Variants in DIAPH2 observed in about 807,000 individuals in gnomAD.
DIAPH2 encodes diaphanous related formin 2.
In DIAPH2, 35 loss-of-function variants were observed where a neutral mutation model predicts 92.7. That is an observed-to-expected ratio of 0.38 (90% CI 0.29 to 0.50). The LOEUF (loss-of-function observed/expected upper bound fraction) is 0.50, where lower values mean the gene tolerates loss of function less well. Among genes scored for constraint, DIAPH2 ranks in the 20% least tolerant of loss-of-function variants. DIAPH2 has a pLI of 0.94. For synonymous variants in DIAPH2, 301 were observed against 280.4 expected, an observed-to-expected ratio of 1.07 and a Z score of -0.73; for missense variants, 701 against 819.5, an observed-to-expected ratio of 0.86 and a Z score of 1.77.
At chrX:97,059,939 G>C (rs2066585692) in intron 17 of DIAPH2, among the ~76,000 whole-genome samples, 1 of 112,201 alleles carries the variant, frequency 8.9e-6, no homozygotes, top group Non-Finnish European at 1.9e-5. Flanking sequence ...GATTGTCACA[G>C]CCAACTCTGG....
chrX:97,331,480 T>G (rs1799846691), intron 23 of DIAPH2, among the ~76,000 whole-genome samples: 1 of 111,681 alleles, frequency 9.0e-6, no homozygotes. Context: ...AGGGAAACCT[T>G]AAAAGAGAAA....
At chrX:97,265,185 C>A in intron 23 of DIAPH2, among the ~76,000 whole-genome samples, 1 of 111,544 alleles carries the variant, frequency 9.0e-6, no homozygotes, top group Middle Eastern at 4.7e-3. Flanking sequence ...ATATATACTC[C>A]TCTCTCACTA....
At chrX:97,139,815 TG>T (rs2067197975) in intron 21 of DIAPH2, among the ~76,000 whole-genome samples, 1 of 110,462 alleles carries the variant, frequency 9.1e-6, no homozygotes, top group African/African-American at 3.3e-5. Flanking sequence ...AAAACTGAAA[TG>T]TTTTTTAATA....
At chrX:96,897,051 A>T (rs959738691) in intron 5 of DIAPH2, among the ~76,000 whole-genome samples, 11 of 112,012 alleles carry the variant, frequency 9.8e-5, no homozygotes, top group Non-Finnish European at 1.7e-4. Flanking sequence ...TGGTCAAAGG[A>T]TACAAAATTT....
chrX:96,895,323 A>G (rs1172894724), intron 5 of DIAPH2, among the ~76,000 whole-genome samples: 1 of 111,567 alleles, frequency 9.0e-6, no homozygotes, highest in African/African-American at 3.3e-5. Context: ...TTTTTAAAAT[A>G]CGTGACTGGA....
intron 17 of DIAPH2, among the ~76,000 whole-genome samples, chrX:96,980,001 G>T (rs756344058): frequency 9.0e-6 from 1 of 110,819 alleles, no homozygotes; most frequent in African/African-American, 3.3e-5. Context: ...ACTCTGGTGC[G>T]GGCCCTGCAG....
chrX:97,042,165 A>G (rs2066452678), intron 17 of DIAPH2, among the ~76,000 whole-genome samples: 1 of 111,534 alleles, frequency 9.0e-6, no homozygotes, highest in Non-Finnish European at 1.9e-5. Flanking sequence ...ACTGCTTAGA[A>G]TTTGTTGTGA....
intron 3 of DIAPH2, among the ~76,000 whole-genome samples, chrX:96,743,544 A>G (rs1399887860): frequency 8.9e-6 from 1 of 111,937 alleles, no homozygotes. Context: ...GTCATATCTC[A>G]TTGGTGTCTT....
intron 22 of DIAPH2, among the ~76,000 whole-genome samples, chrX:97,209,491 G>A (rs1180395676): frequency 2.7e-5 from 3 of 111,322 alleles, no homozygotes; most frequent in Non-Finnish European, 5.7e-5. Context: ...GACTCTGAAT[G>A]AAAAATATTT....
intron 4 of DIAPH2, among the ~76,000 whole-genome samples, chrX:96,821,383 G>C (rs2064776799): frequency 9.0e-6 from 1 of 110,667 alleles, no homozygotes; most frequent in African/African-American, 3.3e-5. Context: ...CTGTACTTTG[G>C]ATTTCAGTCT....
At chrX:97,351,203 G>A (rs763830273) in intron 24 of DIAPH2, among the ~76,000 whole-genome samples, 5 of 112,223 alleles carry the variant, frequency 4.5e-5, no homozygotes, top group East Asian at 5.6e-4. Context: ...TATAAAAGAC[G>A]GAAAATAATT....
At chrX:97,464,297 TAAAAAAAAAA>T (rs753355896) in intron 26 of DIAPH2, among the ~76,000 whole-genome samples, 2 of 32,943 alleles carry the variant, frequency 6.1e-5, no homozygotes, top group East Asian at 1.3e-3. Flanking sequence ...CCATCTCTAC[TAAAAAAAAAA>T]AAAAAAAAAA....
rs754744883 is a variant in DIAPH2, at chrX:97,476,634, A to T, written c.3241+46889A>T. On this transcript the variant is annotated intron_variant, in intron 26 of 26. Transcript: ENST00000324765. ...CAAAAAAGCCTGAGCTGTAGAATTA[A>T]TTTTTTCAATTGAATGAGTAATACT... 1.5e-3 allele frequency among the ~76,000 whole-genome samples: 164 copies of T among 110,844 alleles called. 1 individual carries two copies. The highest frequency in any genetic ancestry group is 2.1e-3 in the Non-Finnish European group (110 of 53,065).
intron 17 of DIAPH2, among the ~76,000 whole-genome samples, chrX:97,059,881 G>A (rs975923949): frequency 3.6e-5 from 4 of 111,429 alleles, no homozygotes; most frequent in Non-Finnish European, 7.5e-5. Flanking sequence ...TCAAACCTAT[G>A]ATGTTCAAGG....
chrX:97,106,355 G>T (rs2066940493), intron 20 of DIAPH2, among the ~76,000 whole-genome samples: 1 of 111,124 alleles, frequency 9.0e-6, no homozygotes, highest in South Asian at 3.8e-4. Flanking sequence ...TCAGGTAAAA[G>T]AAAACTCACC....
At chrX:97,264,820 C>T (rs2068322061) in intron 23 of DIAPH2, among the ~76,000 whole-genome samples, 1 of 111,392 alleles carries the variant, frequency 9.0e-6, no homozygotes, top group Non-Finnish European at 1.9e-5. Context: ...CTCATCTCTA[C>T]TAAAAATACA....
chrX:97,494,096 T>A (rs2070742372), intron 26 of DIAPH2, among the ~76,000 whole-genome samples: 1 of 82,736 alleles, frequency 1.2e-5, no homozygotes, highest in African/African-American at 4.4e-5. Context: ...TATTTGTGTG[T>A]ATATATATAT....
intron 26 of DIAPH2, among the ~76,000 whole-genome samples, chrX:97,453,289 ATTTG>A (rs2070374315): frequency 9.0e-6 from 1 of 110,534 alleles, no homozygotes; most frequent in African/African-American, 3.3e-5. Flanking sequence ...TAGAAATTGA[ATTTG>A]TTTCTTTTTT....
At chrX:97,189,135 T>C (rs1176385269) in intron 22 of DIAPH2, among the ~76,000 whole-genome samples, 1 of 111,400 alleles carries the variant, frequency 9.0e-6, no homozygotes, top group African/African-American at 3.3e-5. Flanking sequence ...TTTAGTTAGA[T>C]ATAGAAAGAG....
Sources: allele counts gnomAD v4.1 joint callset (sites outside exome capture counted in the v4.1 genomes callset), GRCh38; gene constraint gnomAD v4.1.1; transcripts MANE v1.5; gene names NCBI Gene and HGNC (gene_info 2026-07-23, HGNC 2026-07-21).